The following AMD1 variants were observed in gnomAD, a reference collection of about 807,000 sequenced individuals.
AMD1 encodes adenosylmethionine decarboxylase 1.
In AMD1, 11 loss-of-function variants were observed where a neutral mutation model predicts 40.2. That is an observed-to-expected ratio of 0.27 (90% confidence interval 0.17 to 0.45). The LOEUF (loss-of-function observed/expected upper bound fraction) is 0.45. Among genes scored for constraint, AMD1 ranks in the 20% least tolerant of loss-of-function variants. The pLI, the probability that AMD1 is intolerant of heterozygous loss-of-function variation, is 1.00. For missense variants in AMD1, 257 were observed against 410.2 expected (o/e 0.63, Z 3.23); for synonymous variants, 121 against 130.8 (o/e 0.93, Z 0.51).
chr6:110,888,668 T>TTA, intron 2 of AMD1, 189 bp from the exon 3 acceptor site: 1 of 461,064 alleles, frequency 2.2e-6, no homozygotes, highest in Non-Finnish European at 3.8e-6. Context: ...ATCAAAATGC[T>TTA]TACCATGTGC....
chr6:110,892,868 A>C (rs1786108553), intron 7 of AMD1, 41 bp downstream of exon 7: 2 of 1,613,512 alleles, frequency 1.2e-6, no homozygotes, highest in Non-Finnish European at 8.5e-7. Flanking sequence ...TTTAAATGTG[A>C]ATAGTCTTTC....
intron 1 of AMD1, among the ~76,000 whole-genome samples, chr6:110,884,075 A>G (rs1436970532): frequency 2.0e-5 from 3 of 152,252 alleles, no homozygotes; most frequent in Admixed American, 1.3e-4. Flanking sequence ...TTTGAAAACT[A>G]GAATACACAA....
chr6:110,821,905 A>G, the AMD1 span, among the ~76,000 whole-genome samples: 1 of 152,236 alleles, frequency 6.6e-6, no homozygotes, highest in African/African-American at 2.4e-5. Context: ...TCATACCTCC[A>G]GGAAATAGAG....
At chr6:110,849,616 C>A in the AMD1 span, among the ~76,000 whole-genome samples, 1 of 152,054 alleles carries the variant, frequency 6.6e-6, no homozygotes, top group Admixed American at 6.6e-5. Context: ...GTTACATTTA[C>A]ACAATTTTTT....
the AMD1 span, among the ~76,000 whole-genome samples, chr6:110,821,582 C>G: frequency 1.3e-5 from 2 of 151,890 alleles, no homozygotes; most frequent in African/African-American, 4.8e-5. Context: ...CCGTTGCACT[C>G]CAGCCTGGGA....
At chr6:110,820,510 T>A in the AMD1 span, among the ~76,000 whole-genome samples, 1 of 151,956 alleles carries the variant, frequency 6.6e-6, no homozygotes, top group African/African-American at 2.4e-5. Flanking sequence ...GTGCTGGGAT[T>A]ACAGGCATGA....
At chr6:110,885,706 T>G (rs898642708) in intron 1 of AMD1, among the ~76,000 whole-genome samples, 31 of 152,214 alleles carry the variant, frequency 2.0e-4, no homozygotes, top group African/African-American at 7.5e-4. Context: ...TTAGTAGCTC[T>G]TTTAAAAAAG....
At chr6:110,848,565 G>A in the AMD1 span, 1 of 417,276 alleles carries the variant, frequency 2.4e-6, no homozygotes, top group South Asian at 2.5e-5. Context: ...GTATGTTTTT[G>A]TTTAACTTGT....
At chr6:110,890,941 A>G (rs1226225325) in intron 4 of AMD1, 1 of 152,252 alleles carries the variant, frequency 6.6e-6, no homozygotes, top group Non-Finnish European at 1.5e-5. Flanking sequence ...ATGTATACAC[A>G]TGTAAAAATA....
Position 110,893,727 on chromosome 6 carries a change from T to C in AMD1, c.*111T>C, listed in dbSNP as rs1387455025. The stretch of plus-strand genomic sequence containing the variant: ...CTTTCCATAACCACCACTGTGTAGT[T>C]GCAGAAAGCCCTAGATGTAATGATA... On this transcript the variant is annotated 3_prime_UTR_variant, in exon 9 of 9. Coordinates refer to ENST00000368885, the MANE Select transcript of AMD1 (RefSeq NM_001634.6). The C allele has an allele frequency of 8.2e-7, 1 of 1,217,518 alleles. No individual in the cohort carries two copies. The highest frequency in any genetic ancestry group is 2.4e-5 in the East Asian group (1 of 40,974). 75.4% of individuals were successfully genotyped at this position (1,217,518 alleles called of 1,614,324 possible).
At chr6:110,877,455 C>G (rs1400006603) in intron 1 of AMD1, among the ~76,000 whole-genome samples, 1 of 152,354 alleles carries the variant, frequency 6.6e-6, no homozygotes, top group African/African-American at 2.4e-5. Flanking sequence ...GGAGTCCGGT[C>G]GGTGGGGACA....
chr6:110,818,524 TTATA>T, the AMD1 span, among the ~76,000 whole-genome samples: 3,490 of 151,600 alleles, frequency 0.023, 120 homozygotes, highest in African/African-American at 0.081. Flanking sequence ...AGTATCTTAT[TTATA>T]TATATATTTA....
the AMD1 span, among the ~76,000 whole-genome samples, chr6:110,866,468 C>T: frequency 2.6e-5 from 4 of 152,090 alleles, no homozygotes; most frequent in South Asian, 2.1e-4. Context: ...CACAAGTCAT[C>T]GCCCACCCCC....
chr6:110,843,963 G>A, the AMD1 span, among the ~76,000 whole-genome samples: 1 of 152,080 alleles, frequency 6.6e-6, no homozygotes, highest in Non-Finnish European at 1.5e-5. Flanking sequence ...CCTAAAATCA[G>A]CTGATTAGCA....
chr6:110,860,868 C>G, the AMD1 span, among the ~76,000 whole-genome samples: 20,366 of 141,416 alleles, frequency 0.14, 1,588 homozygotes, highest in East Asian at 0.43. Context: ...CACACACACA[C>G]ACAGAGAGAG....
At chr6:110,840,534 A>T in the AMD1 span, among the ~76,000 whole-genome samples, 1 of 152,196 alleles carries the variant, frequency 6.6e-6, no homozygotes, top group Non-Finnish European at 1.5e-5. Context: ...GAAGAGATGC[A>T]TAGGGCGAGG....
Position 110,892,407 on chromosome 6 carries a change from C to T in AMD1, c.579C>T (p.Tyr193=). Residue 193 remains tyrosine, a synonymous_variant, in exon 6 of 9, where the codon TAC becomes TAT. Coordinates refer to ENST00000368885, the MANE Select transcript of AMD1 (RefSeq NM_001634.6). ...ACCCAGCAGTTATGGACCAGTTCTA[C>T]ATGAAAGATGGTGTTACTGCAAAGG... ...ELDPAVMDQF[Y]MKDGVTAKDV... 1.2e-6 allele frequency: 2 copies of T among 1,612,418 alleles called. No individual in the cohort carries two copies. Among genetic ancestry groups the T allele is most frequent in the Non-Finnish European group, 1.7e-6 (2 of 1,180,030 alleles).
At chr6:110,829,381 A>C in the AMD1 span, among the ~76,000 whole-genome samples, 1 of 151,366 alleles carries the variant, frequency 6.6e-6, no homozygotes, top group East Asian at 2.0e-4. Context: ...AAAAAAAAAA[A>C]AAATTAACCG....
At chr6:110,820,673 G>A in the AMD1 span, among the ~76,000 whole-genome samples, 3 of 152,216 alleles carry the variant, frequency 2.0e-5, no homozygotes, top group South Asian at 4.2e-4. Context: ...AGGCCAAGGT[G>A]GGCAGATCAC....
Sources: allele counts gnomAD v4.1 joint callset (sites outside exome capture counted in the v4.1 genomes callset), GRCh38; gene constraint gnomAD v4.1.1; transcripts MANE v1.5; gene names NCBI Gene and HGNC (gene_info 2026-07-23, HGNC 2026-07-21).